PRKCB: variants seen among roughly 807,000 people sequenced by gnomAD.
PRKCB encodes the protein protein kinase C beta type.
A neutral mutation model predicts 81.5 loss-of-function variants in PRKCB; 13 were observed. The ratio of observed to expected loss-of-function variants is 0.16; its 90% CI spans 0.10 to 0.25. The LOEUF is 0.25. Ranked by LOEUF, PRKCB falls within the 10% of genes least tolerant of loss-of-function variation. The pLI, the probability that PRKCB is intolerant of heterozygous loss-of-function variation, is 1.00. For synonymous variants in PRKCB, 335 were observed against 321.4 expected (o/e 1.04, Z -0.45); for missense variants, 509 against 875.7 (o/e 0.58, Z 5.29).
chr16:23,912,200 T>C (rs1485884452), intron 2 of PRKCB, among the ~76,000 whole-genome samples: 1 of 152,096 alleles, frequency 6.6e-6, no homozygotes, highest in Non-Finnish European at 1.5e-5. Context: ...GAATCTACCG[T>C]TTAACCCTTA....
At chr16:24,145,109 G>A (rs1474278774) in intron 9 of PRKCB, among the ~76,000 whole-genome samples, 1 of 152,160 alleles carries the variant, frequency 6.6e-6, no homozygotes, top group East Asian at 1.9e-4. Flanking sequence ...AACAAGATGA[G>A]GGAGCAAACT....
At position 24,187,451 on chromosome 16, in the gene PRKCB, T is replaced by C. The variant is rs924212302; in HGVS notation, c.1722+1884T>C. On this transcript the variant is annotated intron_variant, in intron 15 of 16. Transcript: ENST00000643927. ...AAACAGCTGAATACTGTAAATCACT[T>C]AGAATAGAGGCTGGCACTCTGCTCC... 4.6e-5 allele frequency among the ~76,000 whole-genome samples: 7 copies of C among 152,272 alleles called. No individual in the cohort carries two copies. In the East Asian group the frequency reaches 1.4e-3, roughly 29 times the overall value.
intron 3 of PRKCB, among the ~76,000 whole-genome samples, chr16:24,022,983 G>A (rs1965425532): frequency 6.6e-6 from 1 of 152,238 alleles, no homozygotes; most frequent in Non-Finnish European, 1.5e-5. Flanking sequence ...GTGGCCTGGA[G>A]GTGTCTAGTC....
At chr16:23,869,859 T>C (rs112837141) in intron 2 of PRKCB, among the ~76,000 whole-genome samples, 2 of 152,028 alleles carry the variant, frequency 1.3e-5, no homozygotes, top group Non-Finnish European at 2.9e-5. Context: ...CCATCTCTAC[T>C]AAAAATACAA....
Position 24,154,839 on chromosome 16 carries a change from C to A in PRKCB, c.1221C>A (p.His407Gln), listed in dbSNP as rs766266252. 1 of 1,613,896 alleles carries A rather than the reference C, an allele frequency of 6.2e-7. No individual in the cohort carries two copies. The highest frequency in any genetic ancestry group is 1.7e-5 in the Admixed American group (1 of 59,978). ...PGKPPFLTQL[H>Q]SCFQTMDRLY... ...AGCCGCCCTTCCTGACCCAGCTCCA[C>A]TCCTGCTTCCAGACCATGGTAACTT... The change falls in exon 10 of 17, where the codon CAC (histidine) becomes CAA (glutamine). Residue 407 changes from histidine (H) to glutamine (Q), a missense_variant. Physicochemically the swap from His to Gln is conservative, Grantham distance 24 (BLOSUM62 0). Around this residue, in one of 6 missense-constraint regions of PRKCB, gnomAD observed 106 missense variants for 214.0 expected, o/e 0.50. Transcript: ENST00000643927.
intron 3 of PRKCB, among the ~76,000 whole-genome samples, chr16:24,009,997 C>T (rs1287974295): frequency 6.6e-6 from 1 of 152,146 alleles, no homozygotes; most frequent in Non-Finnish European, 1.5e-5. Flanking sequence ...AGCAAGACTC[C>T]ATCTCAAACA....
At chr16:24,171,353 T>C (rs1464466639) in intron 10 of PRKCB, among the ~76,000 whole-genome samples, 1 of 152,186 alleles carries the variant, frequency 6.6e-6, no homozygotes, top group East Asian at 1.9e-4. Flanking sequence ...AGCATCCTCA[T>C]GGCATGGCGG....
At chr16:24,089,612 T>A (rs1008385705) in intron 5 of PRKCB, among the ~76,000 whole-genome samples, 3 of 152,048 alleles carry the variant, frequency 2.0e-5, no homozygotes, top group Admixed American at 6.6e-5. Flanking sequence ...TCTACAAAAA[T>A]TTTTTTAAAA....
At chr16:23,982,108 TTCCCTTTCCCTTCCCC>T (rs1964736441) in intron 2 of PRKCB, among the ~76,000 whole-genome samples, 1 of 54,474 alleles carries the variant, frequency 1.8e-5, no homozygotes, top group Non-Finnish European at 3.5e-5. Context: ...TTCCCTTCCC[TTCCCTTTCCCTTCCCC>T]TTCCCTTCCC....
At chr16:23,893,996 G>T (rs1963333723) in intron 2 of PRKCB, 1 of 152,206 alleles carries the variant, frequency 6.6e-6, no homozygotes, top group African/African-American at 2.4e-5. Flanking sequence ...ACCTCTGCAG[G>T]TCTGCATTTT....
chr16:24,011,197 A>T (rs1482049159), intron 3 of PRKCB, among the ~76,000 whole-genome samples: 1 of 152,090 alleles, frequency 6.6e-6, no homozygotes, highest in Non-Finnish European at 1.5e-5. Flanking sequence ...AATTGGAGGT[A>T]GGGTAAGAAG....
chr16:24,006,313 C>T (rs195992), intron 3 of PRKCB, among the ~76,000 whole-genome samples: 143,040 of 152,294 alleles, frequency 0.94, 67,264 homozygotes, highest in East Asian at 1. Context: ...AGCTCTTGTA[C>T]AGAATTTTTG....
Position 24,114,096 on chromosome 16 carries a change from G to A in PRKCB, c.918+1027G>A, listed in dbSNP as rs568893620. On this transcript the variant is annotated intron_variant, in intron 8 of 16. Transcript: ENST00000643927. ...TAGCTAGGCATGGTGGTGCACGCCT[G>A]TAATACCAGCTACTCGGAAGGCTGA... Among the ~76,000 whole-genome samples the A allele has an allele frequency of 2.6e-5, 4 of 151,082 alleles. No homozygotes were observed. In the South Asian group the frequency reaches 8.5e-4, roughly 32 times the overall value.
rs553431153 is a variant in PRKCB at position 23,986,547 on chromosome 16, C to T, written c.206-1961C>T. On this transcript the variant is annotated intron_variant, in intron 2 of 16. Transcript: ENST00000643927. ...GATTACAGATGTGAGCCACCACACC[C>T]GGTTTCTATTCTTATTTTTAATACT... 1.1e-3 allele frequency among the ~76,000 whole-genome samples: 174 copies of T among 152,234 alleles called. 1 individual carries two copies. The South Asian group carries it at 0.026, about 23-fold the overall frequency.
chr16:24,012,307 A>AT (rs1319028537), intron 3 of PRKCB, among the ~76,000 whole-genome samples: 4 of 152,156 alleles, frequency 2.6e-5, no homozygotes, highest in African/African-American at 9.7e-5. Flanking sequence ...TTTAACACCT[A>AT]TTTTATAGAG....
chr16:23,976,203 A>G (rs2141807992), intron 2 of PRKCB, among the ~76,000 whole-genome samples: 1 of 152,102 alleles, frequency 6.6e-6, no homozygotes, highest in Middle Eastern at 3.4e-3. Context: ...AGGGATGTTA[A>G]GTGGGAGTTG....
chr16:23,919,997 A>T (rs1019768920), intron 2 of PRKCB, among the ~76,000 whole-genome samples: 2 of 152,190 alleles, frequency 1.3e-5, no homozygotes, highest in Non-Finnish European at 2.9e-5. Context: ...CCTGTTTTCA[A>T]TTCTTTTGGC....
intron 13 of PRKCB, among the ~76,000 whole-genome samples, chr16:24,183,514 A>G (rs893318102): frequency 1.1e-4 from 17 of 152,210 alleles, no homozygotes; most frequent in African/African-American, 3.9e-4. Flanking sequence ...TAGAAATCAA[A>G]GTGGGAGATA....
At chr16:24,211,651 T>G (rs572393429) in intron 16 of PRKCB, among the ~76,000 whole-genome samples, 1 of 150,996 alleles carries the variant, frequency 6.6e-6, no homozygotes, top group Non-Finnish European at 1.5e-5. Context: ...CTCTGCCTCC[T>G]GGGTTTAAGT....
Sources: allele counts gnomAD v4.1 joint callset (sites outside exome capture counted in the v4.1 genomes callset), GRCh38; gene constraint gnomAD v4.1.1; regional missense constraint gnomAD v4.1.1; transcripts MANE v1.5; gene names NCBI Gene and HGNC (gene_info 2026-07-23, HGNC 2026-07-21).